Variants in PLCXD1 observed in about 807,000 individuals in gnomAD.
PLCXD1 encodes PI-PLC X domain-containing protein 1.
PLCXD1 carries 45 observed loss-of-function variants against 37.8 expected under a neutral mutation model. The observed-to-expected ratio is 1.19, with a 90% CI of 0.94 to 1.53. The LOEUF is 1.53. PLCXD1 is among the 40% of genes most tolerant of loss of function. PLCXD1 has a pLI of 0.00. For synonymous variants in PLCXD1, 246 were observed against 206.9 expected (o/e 1.19, Z -1.62); for missense variants, 539 against 454.7 (o/e 1.19, Z -1.69).
At chrX:276,983 G>C (rs28488373), upstream of PLCXD1, among the ~76,000 whole-genome samples, 96,788 of 151,978 alleles carry the variant, frequency 0.64, 30,924 homozygotes, top group East Asian at 0.72. Flanking sequence ...CCGGGCGTCT[G>C]GGCCCGTCCG....
Position 299,270 on chromosome X carries a change from T to C in PLCXD1, c.907T>C (p.Phe303Leu), listed in dbSNP as rs756454244. 1.9e-6 allele frequency: 3 copies of C among 1,613,866 alleles called. No individual in the cohort carries two copies. Among genetic ancestry groups the C allele is most frequent in the Non-Finnish European group, 1.7e-6 (2 of 1,179,842 alleles). ...GTGCACCAACATCATCGCGGGGGAC[T>C]TCATCGGCGCAGACGGCTTCGTCAG... ...SRCTNIIAGD[F>L]IGADGFVSDV... The change falls in exon 7 of 7, where the codon TTC becomes CTC. Residue 303 changes from phenylalanine (F) to leucine (L), a missense_variant. Physicochemically the swap from Phe to Leu is conservative, Grantham distance 22. Coordinates refer to ENST00000381657, the MANE Select transcript of PLCXD1 (RefSeq NM_018390.4).
chrX:284,376 G>T lies in PLCXD1; in HGVS notation c.127+62G>T, dbSNP rs2069377856. 8.8e-6 allele frequency: 14 copies of T among 1,592,138 alleles called. No homozygotes were observed. In the South Asian group the frequency reaches 1.2e-4, roughly 14 times the overall value. On this transcript the variant is annotated intron_variant, in intron 2 of 6. Transcript: ENST00000381657. Reference sequence around the variant, plus strand: ...CCCAGGTGACGGCAGGGTGGGGCGGGAGCTGTGGCGTCTGCATTCCCCAGT... The same window carrying T: ...CCCAGGTGACGGCAGGGTGGGGCGGTAGCTGTGGCGTCTGCATTCCCCAGT...
chrX:289,076 G>A (rs1450597293), intron 3 of PLCXD1, among the ~76,000 whole-genome samples: 1 of 152,108 alleles, frequency 6.6e-6, no homozygotes, highest in South Asian at 2.1e-4. Context: ...GGAAGAGAGG[G>A]GAACAGTGTT....
At chrX:286,409 G>T (rs1336939178) in intron 2 of PLCXD1, among the ~76,000 whole-genome samples, 4 of 152,108 alleles carry the variant, frequency 2.6e-5, no homozygotes, top group African/African-American at 9.7e-5. Context: ...TCAGTCTAGA[G>T]CTGACCTAGT....
Position 302,614 on chromosome X carries a change from CGAG to C in PLCXD1, c.*3281_*3283del, listed in dbSNP as rs1181749757. The C allele has an allele frequency of 6.6e-6, 1 of 151,646 alleles. No individual in the cohort carries two copies. The highest frequency in any genetic ancestry group is 1.5e-5 in the Non-Finnish European group (1 of 67,978). 9.4% of individuals were successfully genotyped at this position (151,646 alleles called of 1,614,324 possible). On this transcript the variant is annotated 3_prime_UTR_variant, in exon 7 of 7. Coordinates refer to ENST00000381657, the MANE Select transcript of PLCXD1 (RefSeq NM_018390.4). ...TGAGACGGAGTTTCGCTCTCGTTGC[CGAG>C]GCTGGAGTGTAGTAGTGTGATCCTG...
rs2069972713 is a variant in PLCXD1, at chrX:300,470, G to GTGTGTGTA, written c.*1142_*1143insATGTGTGT. On this transcript the variant is annotated 3_prime_UTR_variant, in exon 7 of 7. Coordinates refer to ENST00000381657, the MANE Select transcript of PLCXD1 (RefSeq NM_018390.4). The stretch of plus-strand genomic sequence containing the variant: ...TGTTTATACATGTGTATATGTGTGT[G>GTGTGTGTA]TGTGTGTGTATATGTGTGTATGTGT... 1 of 150,512 alleles carries GTGTGTGTA rather than the reference G, an allele frequency of 6.6e-6. No individual in the cohort carries two copies. Among genetic ancestry groups the GTGTGTGTA allele is most frequent in the Non-Finnish European group, 1.5e-5 (1 of 67,864 alleles). The allele number at this position is 150,512 out of a possible 1,614,324, so 9.3% of individuals were successfully genotyped here. A position where few individuals can be genotyped will look rare whatever the true frequency, so the allele number is the denominator to read the frequency against.
intron 2 of PLCXD1, among the ~76,000 whole-genome samples, chrX:286,231 A>G (rs185915343): frequency 0.027 from 4,076 of 151,848 alleles, 121 homozygotes; most frequent in East Asian, 0.087. Flanking sequence ...TGCCTGGCTG[A>G]TTTTTGTATT....
At position 284,264 on chromosome X, in the gene PLCXD1, C is replaced by T. The variant is rs764454696; in HGVS notation, c.77C>T (p.Ala26Val). 69 of 1,613,478 alleles carry T rather than the reference C, an allele frequency of 4.3e-5. No individual in the cohort carries two copies. Among genetic ancestry groups the T allele is most frequent in the Non-Finnish European group, 5.8e-5 (68 of 1,179,848 alleles). Residue 26 changes from alanine to valine, a missense_variant, in exon 2 of 7, where the codon GCA (alanine) becomes GTA (valine). Physicochemically the swap from Ala to Val is moderately conservative, Grantham distance 64. Transcript: ENST00000381657. ...CRNANEDWMS[A>V]LCPRLWDVPL... is the part of the protein sequence containing the mutation. Reference sequence around the variant, plus strand: ...AATGCCAACGAGGACTGGATGTCGGCACTGTGTCCCCGGCTCTGGGATGTG... The same window carrying T: ...AATGCCAACGAGGACTGGATGTCGGTACTGTGTCCCCGGCTCTGGGATGTG...
Position 290,741 on chromosome X carries a change from T to C in PLCXD1, c.358T>C (p.Phe120Leu), listed in dbSNP as rs765774022. Residue 120 changes from phenylalanine to leucine, a missense_variant, in exon 4 of 7, where the codon TTT becomes CTT. Coordinates refer to ENST00000381657, the MANE Select transcript of PLCXD1 (RefSeq NM_018390.4). ...GGAGGGCTCGGAGAAGAACCTGCAC[T>C]TTGTCCATATGGTGTACACAACGGC... ...MLEGSEKNLH[F>L]VHMVYTTALV... The C allele has an allele frequency of 6.2e-7, 1 of 1,613,410 alleles. No homozygotes were observed. Among genetic ancestry groups the C allele is most frequent in the Non-Finnish European group, 8.5e-7 (1 of 1,179,810 alleles).
intron 6 of PLCXD1, among the ~76,000 whole-genome samples, chrX:294,974 G>C (rs921518728): frequency 3.3e-5 from 5 of 152,002 alleles, no homozygotes; most frequent in Non-Finnish European, 7.4e-5. Context: ...TCAGGAGTTT[G>C]CGACCAGTCT....
chrX:299,425 G>A lies in PLCXD1; in HGVS notation c.*90G>A. On this transcript the variant is annotated 3_prime_UTR_variant, in exon 7 of 7. Coordinates refer to ENST00000381657, the MANE Select transcript of PLCXD1 (RefSeq NM_018390.4). The stretch of plus-strand genomic sequence containing the variant: ...GACTTTGTTTGGGCCAAATGTTGGT[G>A]ATCATAGGACCGATGATAATACGTT... 1.1e-6 allele frequency: 1 copy of A among 935,176 alleles called. No individual in the cohort carries two copies. Among genetic ancestry groups the A allele is most frequent in the South Asian group, 1.3e-5 (1 of 75,352 alleles). 57.9% of individuals were successfully genotyped at this position (935,176 alleles called of 1,614,324 possible).
chrX:279,751 G>T (rs1318778935), upstream of PLCXD1, among the ~76,000 whole-genome samples: 1 of 148,142 alleles, frequency 6.8e-6, no homozygotes, highest in Non-Finnish European at 1.5e-5. Flanking sequence ...ACCAGTCTGC[G>T]CAACAGAGCG....
Position 284,226 on chromosome X carries a change from G to A in PLCXD1, c.39G>A (p.Arg13=). Residue 13 remains arginine (R), a synonymous_variant, in exon 2 of 7, where the codon AGG becomes AGA. Coordinates refer to ENST00000381657, the MANE Select transcript of PLCXD1 (RefSeq NM_018390.4). ...TGAGCGCTTCCAACAGCTTCTCGAG[G>A]CTGCACTGCAGAAATGCCAACGAGG... ...GQVSASNSFS[R]LHCRNANEDW... The A allele has an allele frequency of 1.2e-6, 2 of 1,613,570 alleles. No homozygotes were observed. The highest frequency in any genetic ancestry group is 1.7e-6 in the Non-Finnish European group (2 of 1,179,790).
chrX:296,578 G>A (rs2069815659), intron 6 of PLCXD1, among the ~76,000 whole-genome samples: 4 of 152,148 alleles, frequency 2.6e-5, no homozygotes, highest in South Asian at 2.1e-4. Context: ...AGGAGATTCC[G>A]GCTCAGCAGA....
chrX:289,516 C>CTTTTT (rs759211019), intron 3 of PLCXD1, among the ~76,000 whole-genome samples: 9 of 135,276 alleles, frequency 6.7e-5, no homozygotes, highest in African/African-American at 1.4e-4. Flanking sequence ...CTTTCTTTTT[C>CTTTTT]TTTTTTTTTT....
At chrX:285,453 C>T (rs771199838) in intron 2 of PLCXD1, among the ~76,000 whole-genome samples, 1 of 152,168 alleles carries the variant, frequency 6.6e-6, no homozygotes, top group Admixed American at 6.5e-5. Flanking sequence ...TGCACAGACA[C>T]ACGTGCACAC....
At chrX:288,692 G>A in intron 2 of PLCXD1, 41 bp from the exon 3 acceptor site, 13 of 1,610,672 alleles carry the variant, frequency 8.1e-6, no homozygotes, top group South Asian at 1.1e-5. Flanking sequence ...TGGCGGGGAC[G>A]GACTCGTGGT....
intron 6 of PLCXD1, among the ~76,000 whole-genome samples, chrX:294,253 C>A (rs181354440): frequency 1.3e-5 from 2 of 152,022 alleles, no homozygotes; most frequent in Non-Finnish European, 2.9e-5. Flanking sequence ...GAGGCCGAGG[C>A]GGGCGGATCA....
chrX:277,131 G>A (rs909658544), upstream of PLCXD1, among the ~76,000 whole-genome samples: 2 of 152,160 alleles, frequency 1.3e-5, no homozygotes, highest in Non-Finnish European at 2.9e-5. Context: ...GTGGCTGGGA[G>A]TGGGGGCCGC....
Sources: allele counts gnomAD v4.1 joint callset (sites outside exome capture counted in the v4.1 genomes callset), GRCh38; gene constraint gnomAD v4.1.1; transcripts MANE v1.5; gene names NCBI Gene and HGNC (gene_info 2026-07-23, HGNC 2026-07-21).